The following TEX2 variants were observed in gnomAD, a reference collection of about 807,000 sequenced individuals.
TEX2 encodes the protein testis-expressed protein 2.
A neutral mutation model predicts 106.9 loss-of-function variants in TEX2; 53 were observed. The ratio of observed to expected loss-of-function variants is 0.50; its 90% CI spans 0.40 to 0.62. The LOEUF is 0.62. TEX2 is among the 20% of genes least tolerant of loss of function. TEX2 has a pLI of 0.00. For missense variants in TEX2, 1,207 were observed against 1,379.0 expected (o/e 0.88, Z 1.98); for synonymous variants, 523 against 534.8 (o/e 0.98, Z 0.30).
intron 5 of TEX2, among the ~76,000 whole-genome samples, chr17:64,182,214 A>G (rs2031901071): frequency 6.6e-6 from 1 of 152,212 alleles, no homozygotes; most frequent in African/African-American, 2.4e-5. Flanking sequence ...GCTAAGTGAA[A>G]TAAGTCAGTC....
At chr17:64,171,234 T>C in intron 6 of TEX2, 35 bp from the exon 7 acceptor site, 3 of 1,557,382 alleles carry the variant, frequency 1.9e-6, no homozygotes, top group South Asian at 1.1e-5. Context: ...GTGAGACCCA[T>C]GAGCAACCTA....
intron 1 of TEX2, among the ~76,000 whole-genome samples, chr17:64,231,144 T>A (rs2033645417): frequency 6.6e-6 from 1 of 152,166 alleles, no homozygotes; most frequent in South Asian, 2.1e-4. Context: ...AGGCATCAAC[T>A]TGGCCTCCTC....
chr17:64,219,521 A>AATTAAATTAAAT, intron 1 of TEX2, among the ~76,000 whole-genome samples: 1 of 147,420 alleles, frequency 6.8e-6, no homozygotes, highest in Non-Finnish European at 1.5e-5. Flanking sequence ...ATAAAATAAA[A>AATTAAATTAAAT]TAAAATAAAA....
At chr17:64,152,842 CG>C in intron 10 of TEX2, 102 bp downstream of exon 10, 1 of 1,191,750 alleles carries the variant, frequency 8.4e-7, no homozygotes, top group Non-Finnish European at 1.2e-6. Flanking sequence ...TGCTTCTGCC[CG>C]GGAGAAGGTA....
chr17:64,178,356 C>T (rs1200143376), intron 5 of TEX2, among the ~76,000 whole-genome samples: 6 of 152,198 alleles, frequency 3.9e-5, no homozygotes, highest in African/African-American at 1.4e-4. Context: ...GTGGTTGGTG[C>T]AGGCACGGGC....
chr17:64,229,372 G>A (rs2033600201), intron 1 of TEX2, among the ~76,000 whole-genome samples: 1 of 152,122 alleles, frequency 6.6e-6, no homozygotes, highest in Non-Finnish European at 1.5e-5. Context: ...CTGTTAACTG[G>A]TCGTTCATAT....
intron 2 of TEX2, among the ~76,000 whole-genome samples, chr17:64,200,103 A>G (rs1398526612): frequency 1.3e-5 from 2 of 152,246 alleles, no homozygotes; most frequent in Non-Finnish European, 2.9e-5. Flanking sequence ...AGAAATATTA[A>G]TAAGAGTATT....
intron 1 of TEX2, among the ~76,000 whole-genome samples, chr17:64,226,384 C>G (rs1264777891): frequency 4.6e-5 from 7 of 152,268 alleles, no homozygotes; most frequent in South Asian, 4.1e-4. Flanking sequence ...TTTCACCAAT[C>G]ATTTCTAAAA....
Position 64,154,003 on chromosome 17 carries a change from G to C in TEX2, c.2930+839C>G, listed in dbSNP as rs180811789. Among the ~76,000 whole-genome samples the C allele has an allele frequency of 2.8e-3, 432 of 152,280 alleles. 9 individuals carry two copies. The highest frequency in any genetic ancestry group is 0.027 in the Admixed American group (408 of 15,304). On this transcript the variant is annotated intron_variant, in intron 9 of 11. Transcript: ENST00000584379. ...TCACAGGCCAAGAAAATAAGCTGTT[G>C]TATCAGGTCACATGTACCATGAGAC...
chr17:64,260,977 T>A, intron 1 of TEX2, among the ~76,000 whole-genome samples: 1 of 152,220 alleles, frequency 6.6e-6, no homozygotes, highest in East Asian at 1.9e-4. Context: ...ACGTGAGGAT[T>A]AATATAATTT....
chr17:64,204,590 T>C (rs782421118), intron 2 of TEX2, among the ~76,000 whole-genome samples: 8 of 152,148 alleles, frequency 5.3e-5, no homozygotes, highest in Non-Finnish European at 1.2e-4. Flanking sequence ...TGCAACCCAT[T>C]TGAACACCAC....
At chr17:64,225,180 A>ACTG (rs1345849490) in intron 1 of TEX2, among the ~76,000 whole-genome samples, 2 of 151,974 alleles carry the variant, frequency 1.3e-5, no homozygotes, top group Non-Finnish European at 2.9e-5. Flanking sequence ...GGCTGGGCAC[A>ACTG]GTGGCTCAAG....
intron 6 of TEX2, among the ~76,000 whole-genome samples, chr17:64,175,881 C>A (rs1490423561): frequency 6.6e-6 from 1 of 152,140 alleles, no homozygotes; most frequent in Non-Finnish European, 1.5e-5. Context: ...CAGAAGGGCT[C>A]GAGATAGACC....
chr17:64,188,288 C>T lies in TEX2; in HGVS notation c.2304G>A (p.Val768=), dbSNP rs769777296. The part of the protein sequence containing the change: ...QPKQKELAGS[V]RQKMLLDYSV... ...TGTAGTCGAGAAGCATCTTCTGCCG[C>T]ACGCTGCCTGCCAGCTCCTTCTGCT... The change falls in exon 5 of 12, where the codon GTG becomes GTA. Residue 768 remains valine, a synonymous_variant. Transcript: ENST00000584379. The T allele has an allele frequency of 1.2e-6, 2 of 1,614,140 alleles. No individual in the cohort carries two copies. The highest frequency in any genetic ancestry group is 2.2e-5 in the East Asian group (1 of 44,882).
At chr17:64,225,749 G>C (rs189534211) in intron 1 of TEX2, among the ~76,000 whole-genome samples, 1 of 151,326 alleles carries the variant, frequency 6.6e-6, no homozygotes, top group Non-Finnish European at 1.5e-5. Flanking sequence ...ACAGAGTCTC[G>C]ATCTGTCACC....
intron 11 of TEX2, chr17:64,150,615 G>A (rs752619354): frequency 5.8e-4 from 182 of 312,600 alleles, no homozygotes; most frequent in Non-Finnish European, 8.9e-4. Flanking sequence ...AATCTTTTGG[G>A]TTTCCTCTGA....
chr17:64,186,371 G>C (rs2032074786), intron 5 of TEX2, among the ~76,000 whole-genome samples: 1 of 152,200 alleles, frequency 6.6e-6, no homozygotes, highest in African/African-American at 2.4e-5. Context: ...AGAGGTAGTG[G>C]GTCGCAGGCC....
intron 4 of TEX2, among the ~76,000 whole-genome samples, chr17:64,191,667 A>C: frequency 6.6e-6 from 1 of 152,072 alleles, no homozygotes; most frequent in South Asian, 2.1e-4. Context: ...AGATATAAAA[A>C]ATTAGCTGGG....
rs782797338 is a variant in TEX2, at chr17:64,213,877, A to C, written c.341T>G (p.Val114Gly). The C allele has an allele frequency of 1.9e-6, 3 of 1,614,220 alleles. No homozygotes were observed. In the East Asian group the frequency reaches 6.7e-5, roughly 36 times the overall value. Residue 114 changes from valine to glycine, a missense_variant, in exon 2 of 12, where the codon GTA (valine) becomes GGA (glycine). This residue lies in a region of TEX2 where 1,067 missense variants were observed against 1,193.6 expected (regional missense o/e 0.89). Coordinates refer to ENST00000584379, the MANE Select transcript of TEX2 (RefSeq NM_001288732.2). This position sits in a 1 kb window ranked among gnomAD's most constrained non-coding sequence, Gnocchi z 4.4. ...TGGAACAGGGGACTCCAACAGCTTT[A>C]CAGTGTTCTTGGAGACGGGCAAAAT... The part of the protein sequence containing the change: ...PAILPVSKNT[V>G]KLLESPVPAA...
Sources: gnomAD v4.1 joint callset for allele counts (sites outside exome capture counted in the v4.1 genomes callset) on GRCh38, gnomAD v4.1.1 for gene constraint, gnomAD v4.1.1 regional missense constraint, Gnocchi (gnomAD v3.1) non-coding constraint, MANE v1.5 for transcripts, NCBI Gene and HGNC (gene_info 2026-07-23, HGNC 2026-07-21) for gene names.